Variants in RIPOR3 observed in about 807,000 individuals in gnomAD.
The protein encoded by RIPOR3 is family with sequence similarity 65 member C.
Under a neutral mutation model 114.3 loss-of-function variants are expected in RIPOR3, and 95 were observed. That is an observed-to-expected ratio of 0.83 (90% CI 0.70 to 0.99). The LOEUF (loss-of-function observed/expected upper bound fraction) is 0.99. RIPOR3 is among the 50% of genes least tolerant of loss of function. RIPOR3 has a pLI of 0.00. For synonymous variants in RIPOR3, 575 were observed against 543.8 expected, an observed-to-expected ratio of 1.06 and a Z score of -0.80; for missense variants, 1,252 against 1,266.9, an observed-to-expected ratio of 0.99 and a Z score of 0.18.
At chr20:50,633,149 C>G (rs2084873629) in intron 1 of RIPOR3, among the ~76,000 whole-genome samples, 1 of 152,174 alleles carries the variant, frequency 6.6e-6, no homozygotes, top group Non-Finnish European at 1.5e-5. Flanking sequence ...GTAATCCCAG[C>G]TACTCGGGAG....
intron 1 of RIPOR3, among the ~76,000 whole-genome samples, chr20:50,683,138 C>T (rs1288423467): frequency 2.0e-5 from 3 of 152,136 alleles, no homozygotes; most frequent in African/African-American, 7.2e-5. Context: ...CTGAATTGTA[C>T]CCTTAAAATG....
intron 2 of RIPOR3, among the ~76,000 whole-genome samples, chr20:50,630,531 C>T (rs1473843824): frequency 6.6e-6 from 1 of 151,944 alleles, no homozygotes; most frequent in African/African-American, 2.4e-5. Flanking sequence ...TTTATCCCAA[C>T]ACTAAGAAAC....
At chr20:50,625,038 T>C (rs553164382) in intron 2 of RIPOR3, among the ~76,000 whole-genome samples, 2 of 151,844 alleles carry the variant, frequency 1.3e-5, no homozygotes, top group African/African-American at 4.8e-5. Context: ...ACTCGGCACT[T>C]GCCAAGCTCA....
chr20:50,639,922 G>C (rs2085128028), intron 1 of RIPOR3, among the ~76,000 whole-genome samples: 2 of 151,988 alleles, frequency 1.3e-5, no homozygotes, highest in Non-Finnish European at 2.9e-5. Context: ...CCCACACCAG[G>C]AGCACAGCCT....
intron 11 of RIPOR3, among the ~76,000 whole-genome samples, chr20:50,605,048 G>A (rs901321760): frequency 1.3e-5 from 2 of 152,012 alleles, no homozygotes; most frequent in African/African-American, 4.8e-5. Context: ...TCAGCCTCCT[G>A]TGTAGCTATG....
chr20:50,596,349 C>T, intron 14 of RIPOR3, 86 bp from the exon 15 acceptor site: 5 of 1,579,564 alleles, frequency 3.2e-6, no homozygotes, highest in Non-Finnish European at 4.3e-6. Context: ...TCCCAGCGAG[C>T]CCCAGGTCAG....
chr20:50,686,702 G>T (rs1329946088), intron 1 of RIPOR3, among the ~76,000 whole-genome samples: 1 of 150,886 alleles, frequency 6.6e-6, no homozygotes, highest in Non-Finnish European at 1.5e-5. Flanking sequence ...AGTGAGCTGA[G>T]ATCGCACCAC....
In RIPOR3 at chr20:50,596,280, A is replaced by G. The variant is rs1365110088; in HGVS notation, c.1791-17T>C. The G allele has an allele frequency of 6.2e-7, 1 of 1,613,832 alleles. No individual in the cohort carries two copies. Among genetic ancestry groups the G allele is most frequent in the East Asian group, 2.2e-5 (1 of 44,872 alleles). ...CGGTCCTTTCTGAGTTGAATTGAGA[A>G]CTGGGTGACCATTCCAGTTAGCAGT... On this transcript the variant is annotated splice_polypyrimidine_tract_variant and intron_variant, in intron 14 of 21. Coordinates refer to ENST00000327979, the MANE Select transcript of RIPOR3 (RefSeq NM_001290268.2).
chr20:50,625,065 C>CTTTTTT (rs201248716), intron 2 of RIPOR3, among the ~76,000 whole-genome samples: 1 of 142,860 alleles, frequency 7.0e-6, no homozygotes. Context: ...GCTCTCAGTG[C>CTTTTTT]TTTTGTTTTT....
intron 2 of RIPOR3, among the ~76,000 whole-genome samples, chr20:50,624,669 G>A (rs922250828): frequency 1.3e-5 from 2 of 152,342 alleles, no homozygotes; most frequent in East Asian, 1.9e-4. Flanking sequence ...CTCTGGGGCC[G>A]GATGTTTCAC....
intron 1 of RIPOR3, among the ~76,000 whole-genome samples, chr20:50,655,525 G>T (rs1370653249): frequency 6.6e-6 from 1 of 152,176 alleles, no homozygotes; most frequent in East Asian, 1.9e-4. Context: ...TAAGATCGCC[G>T]ACTTAAGCCT....
chr20:50,636,607 TCTA>T lies in RIPOR3; in HGVS notation c.4-5754_4-5752del. On this transcript the variant is annotated intron_variant, in intron 1 of 21. Coordinates refer to ENST00000327979, the MANE Select transcript of RIPOR3 (RefSeq NM_001290268.2). ...TTTGGTGGCAGACAGGACAGCCTCTTCTACTCCGTGTCCCTCGCTGCCTCTCTC... is the reference window on the plus strand; with the variant it reads ...TTTGGTGGCAGACAGGACAGCCTCTTCTCCGTGTCCCTCGCTGCCTCTCTC... 4.1e-6 allele frequency: 4 copies of T among 985,730 alleles called. No individual in the cohort carries two copies. The South Asian group carries it at 1.4e-4, about 35-fold the overall frequency. 61.1% of individuals were successfully genotyped at this position (985,730 alleles called of 1,614,324 possible). A position where few individuals can be genotyped will look rare whatever the true frequency, so the allele number is the denominator to read the frequency against.
At chr20:50,639,872 T>A (rs231569) in intron 1 of RIPOR3, among the ~76,000 whole-genome samples, 2 of 151,530 alleles carry the variant, frequency 1.3e-5, no homozygotes, top group African/African-American at 4.9e-5. Flanking sequence ...CAGCATGTAA[T>A]GCTTTGCTGT....
intron 3 of RIPOR3, 139 bp from the exon 4 acceptor site, chr20:50,616,219 C>G (rs1320105508): frequency 2.6e-6 from 2 of 756,434 alleles, no homozygotes; most frequent in Non-Finnish European, 2.2e-6. Context: ...AAGCCAGGCT[C>G]CCTCACACTG....
chr20:50,624,170 C>T (rs1176540384), intron 2 of RIPOR3, among the ~76,000 whole-genome samples: 8 of 152,198 alleles, frequency 5.3e-5, no homozygotes, highest in Admixed American at 5.2e-4. Context: ...TGATGCTTTC[C>T]AAAGCCCACA....
rs1375377161 is a variant in RIPOR3, at chr20:50,594,646, C to A, written c.2119G>T (p.Val707Phe). Residue 707 changes from valine (V) to phenylalanine (F), a missense_variant, in exon 17 of 22, where the codon GTC (valine) becomes TTC (phenylalanine). Physicochemically the swap from Val to Phe is conservative, Grantham distance 50. Transcript: ENST00000327979. Reference sequence around the variant, plus strand: ...AGCGTCGTGGCAGGGCAGGACAGGACCCTGCCAGGCCCTGTGCACCCTCTC... The same window carrying A: ...AGCGTCGTGGCAGGGCAGGACAGGAACCTGCCAGGCCCTGTGCACCCTCTC... ...LWRGCTGPGR[V>F]LSCPATTLLN... 1 of 1,613,658 alleles carries A rather than the reference C, an allele frequency of 6.2e-7. No homozygotes were observed. Among genetic ancestry groups the A allele is most frequent in the Non-Finnish European group, 8.5e-7 (1 of 1,179,920 alleles).
At chr20:50,608,082 G>A (rs573559597) in intron 11 of RIPOR3, among the ~76,000 whole-genome samples, 1 of 152,234 alleles carries the variant, frequency 6.6e-6, no homozygotes, top group East Asian at 1.9e-4. Context: ...TTCCTGGAGA[G>A]GTGAGCCTCC....
intron 21 of RIPOR3, 119 bp from the exon 22 acceptor site, chr20:50,587,451 G>T (rs1239505932): frequency 1.2e-6 from 1 of 813,290 alleles, no homozygotes; most frequent in Non-Finnish European, 2.0e-6. Context: ...CTGCAAAGCG[G>T]CAGGGGAGGG....
chr20:50,609,017 G>A, intron 8 of RIPOR3, 62 bp from the exon 9 acceptor site: 1 of 1,549,328 alleles, frequency 6.5e-7, no homozygotes, highest in Non-Finnish European at 8.7e-7. Flanking sequence ...TGGGACCACA[G>A]GTCCTCTCTG....
Sources: allele counts gnomAD v4.1 joint callset (sites outside exome capture counted in the v4.1 genomes callset), GRCh38; gene constraint gnomAD v4.1.1; transcripts MANE v1.5; gene names NCBI Gene and HGNC (gene_info 2026-07-23, HGNC 2026-07-21).